Variants in CCDC7 observed in about 807,000 individuals in gnomAD.
CCDC7 encodes the protein coiled-coil domain containing 7, also known as coiled-coil domain-containing protein 7.
In CCDC7, 183 loss-of-function variants were observed where a neutral mutation model predicts 196.9. The ratio of observed to expected loss-of-function variants is 0.93; its 90% CI spans 0.82 to 1.05. The LOEUF is 1.05. Ranked by LOEUF, CCDC7 falls within the 50% of genes least tolerant of loss-of-function variation. The pLI, the probability that CCDC7 is intolerant of heterozygous loss-of-function variation, is 0.00. For missense variants in CCDC7, 1,540 were observed against 1,482.2 expected (o/e 1.04, Z -0.64); for synonymous variants, 525 against 484.6 (o/e 1.08, Z -1.10).
intron 29 of CCDC7, among the ~76,000 whole-genome samples, chr10:32,792,777 G>A (rs1454852949): frequency 1.3e-5 from 2 of 152,190 alleles, no homozygotes; most frequent in African/African-American, 4.8e-5. Context: ...TCCAGCCTGG[G>A]TGATGGAGCA....
intron 22 of CCDC7, among the ~76,000 whole-genome samples, chr10:32,688,703 G>A (rs2076738217): frequency 6.6e-6 from 1 of 152,128 alleles, no homozygotes; most frequent in Admixed American, 6.5e-5. Flanking sequence ...GTATATTTAG[G>A]TGGTTTTGAG....
Position 32,742,085 on chromosome 10 carries a change from G to A in CCDC7, c.2905+12628G>A, listed in dbSNP as rs1386027648. The stretch of plus-strand genomic sequence containing the variant: ...TATAGTTAGAATTTTTTGTTCCAAT[G>A]TGAACATCTTTTCCTTTTAACTAGA... On this transcript the variant is annotated intron_variant, in intron 28 of 41. Coordinates refer to ENST00000639629, the Ensembl canonical transcript of CCDC7. 2.6e-5 allele frequency among the ~76,000 whole-genome samples: 4 copies of A among 152,124 alleles called. No individual in the cohort carries two copies. In the South Asian group the frequency reaches 8.3e-4, roughly 32 times the overall value.
At chr10:32,536,690 A>C (rs1432047251) in intron 11 of CCDC7, among the ~76,000 whole-genome samples, 2 of 152,014 alleles carry the variant, frequency 1.3e-5, no homozygotes. Context: ...GTAGGCCCCA[A>C]TGTCTGATGT....
intron 33 of CCDC7, among the ~76,000 whole-genome samples, chr10:32,840,256 A>T (rs2092891550): frequency 1.3e-5 from 2 of 152,032 alleles, no homozygotes; most frequent in African/African-American, 4.8e-5. Context: ...GACCATTAGC[A>T]AGATTAACCA....
intron 13 of CCDC7, among the ~76,000 whole-genome samples, chr10:32,551,347 C>T (rs1455108593): frequency 2.0e-5 from 3 of 151,916 alleles, no homozygotes; most frequent in Admixed American, 2.0e-4. Flanking sequence ...TTCAAAGAAC[C>T]AGCTTTTTGT....
At chr10:32,671,844 G>T (rs2074115377) in intron 21 of CCDC7, among the ~76,000 whole-genome samples, 1 of 152,138 alleles carries the variant, frequency 6.6e-6, no homozygotes, top group South Asian at 2.1e-4. Context: ...GGGAACTGAG[G>T]TTGGTGATGA....
rs552284094 is a variant in CCDC7 at position 32,701,831 on chromosome 10, G to A, written c.2458+6839G>A. ...GAGGTGTTTATAGTATTCTCTGATG[G>A]TAGTTTGTATTTCTGTGGGATCGGT... On this transcript the variant is annotated intron_variant, in intron 24 of 41. Coordinates refer to ENST00000639629, the Ensembl canonical transcript of CCDC7. Among the ~76,000 whole-genome samples, 265 of 152,186 alleles carry A rather than the reference G, an allele frequency of 1.7e-3. 2 individuals carry two copies. The highest frequency in any genetic ancestry group is 4.8e-3 in the African/African-American group (199 of 41,528).
chr10:32,703,696 T>G (rs1002270676), intron 24 of CCDC7, among the ~76,000 whole-genome samples: 1 of 152,094 alleles, frequency 6.6e-6, no homozygotes, highest in Non-Finnish European at 1.5e-5. Context: ...CCATATTTCT[T>G]GGAGTCTTTG....
chr10:32,477,781 C>T (rs1445294539), intron 8 of CCDC7, among the ~76,000 whole-genome samples: 1 of 152,126 alleles, frequency 6.6e-6, no homozygotes. Context: ...AGTGTCAGTC[C>T]TCCAACTTTG....
intron 2 of CCDC7, among the ~76,000 whole-genome samples, chr10:32,455,070 T>TTCTATCTTCTCTGTATTTC (rs1417066296): frequency 2.0e-5 from 3 of 152,140 alleles, no homozygotes; most frequent in Non-Finnish European, 2.9e-5. Context: ...TCAAATCAAT[T>TTCTATCTTCTCTGTATTTC]TCTATCTTCT....
intron 39 of CCDC7, 76 bp downstream of exon 40, chr10:32,848,794 A>T: frequency 8.7e-7 from 1 of 1,151,634 alleles, no homozygotes. Context: ...TTTTTCATTT[A>T]CTCTTTTTGC....
In CCDC7 at chr10:32,859,966, C is replaced by A. The variant is rs567082332; in HGVS notation, c.4111+5477C>A. ...AGTCCAGGACCAGACGGATTCACAGCCAAATTCTACCAGAGGTACGAAGAG... is the reference window on the plus strand; with the variant it reads ...AGTCCAGGACCAGACGGATTCACAGACAAATTCTACCAGAGGTACGAAGAG... On this transcript the variant is annotated intron_variant, in intron 41 of 41. Transcript: ENST00000639629. Among the ~76,000 whole-genome samples, 61 of 152,260 alleles carry A rather than the reference C, an allele frequency of 4.0e-4. No homozygotes were observed. The South Asian group carries it at 0.012, about 30-fold the overall frequency.
intron 18 of CCDC7, among the ~76,000 whole-genome samples, chr10:32,609,678 G>A (rs1192467301): frequency 2.0e-5 from 3 of 152,080 alleles, no homozygotes. Flanking sequence ...GGGCATGGTG[G>A]GAGGTGACTG....
At position 32,511,268 on chromosome 10, in the gene CCDC7, G is replaced by GGC. The variant is rs201979367; in HGVS notation, c.873-6675_873-6674dup. Reference sequence around the variant, plus strand: ...GAATTATTCTGTGGGGGGCGGGGGGGGCGGGGAAATGTACTTTTTGAATAT... The same window carrying GGC: ...GAATTATTCTGTGGGGGGCGGGGGGGGCGCGGGGAAATGTACTTTTTGAATAT... On this transcript the variant is annotated intron_variant, in intron 9 of 41. Transcript: ENST00000639629. 5.7e-6 allele frequency: 3 copies of GGC among 529,660 alleles called. 1 individual carries two copies. The highest frequency in any genetic ancestry group is 9.6e-6 in the Non-Finnish European group (3 of 313,296). 32.8% of individuals were successfully genotyped at this position (529,660 alleles called of 1,614,324 possible). A position where few individuals can be genotyped will look rare whatever the true frequency, so the allele number is the denominator to read the frequency against.
At chr10:32,763,385 A>T (rs1472019760) in intron 28 of CCDC7, among the ~76,000 whole-genome samples, 1 of 151,994 alleles carries the variant, frequency 6.6e-6, no homozygotes, top group African/African-American at 2.4e-5. Context: ...GAGAAACAGA[A>T]TCCTTACATA....
intron 16 of CCDC7, among the ~76,000 whole-genome samples, chr10:32,576,035 G>A (rs935367321): frequency 3.9e-5 from 6 of 152,054 alleles, no homozygotes; most frequent in African/African-American, 9.7e-5. Flanking sequence ...AGAGAAAGTC[G>A]TTCATCACCT....
At chr10:32,647,422 T>C (rs867813427) in intron 20 of CCDC7, among the ~76,000 whole-genome samples, 24 of 152,060 alleles carry the variant, frequency 1.6e-4, no homozygotes, top group African/African-American at 5.3e-4. Context: ...GGCAGGAAAA[T>C]AGGTTGAGCC....
intron 41 of CCDC7, among the ~76,000 whole-genome samples, chr10:32,870,655 G>A (rs1242236875): frequency 1.3e-5 from 2 of 152,132 alleles, no homozygotes; most frequent in Non-Finnish European, 2.9e-5. Flanking sequence ...TGATGAGAGA[G>A]GGCATCCCTG....
At chr10:32,828,983 A>C (rs1361936933) in intron 32 of CCDC7, among the ~76,000 whole-genome samples, 1 of 152,312 alleles carries the variant, frequency 6.6e-6, no homozygotes, top group African/African-American at 2.4e-5. Context: ...AGAGTGCCAC[A>C]TGGACACTTT....
Sources: gnomAD v4.1 joint callset for allele counts (sites outside exome capture counted in the v4.1 genomes callset) on GRCh38, gnomAD v4.1.1 for gene constraint, MANE v1.5 for transcripts, NCBI Gene and HGNC (gene_info 2026-07-23, HGNC 2026-07-21) for gene names.